The following DCDC2 variants were observed in gnomAD, a reference collection of about 807,000 sequenced individuals.
The protein encoded by DCDC2 is doublecortin domain-containing protein 2.
In DCDC2, 40 loss-of-function variants were observed where a neutral mutation model predicts 50.2. That is an observed-to-expected ratio of 0.80 (90% CI 0.62 to 1.04). DCDC2 has a LOEUF of 1.04. Among genes scored for constraint, DCDC2 ranks in the 50% least tolerant of loss-of-function variants. The probability of loss-of-function intolerance (pLI) is 0.00; values close to 1 mark genes in which losing one functional copy is unlikely to be tolerated. For synonymous variants in DCDC2, 234 were observed against 210.6 expected, an observed-to-expected ratio of 1.11 and a Z score of -0.96; for missense variants, 570 against 581.9, an observed-to-expected ratio of 0.98 and a Z score of 0.21.
At chr6:24,228,332 T>A (rs1366795320) in intron 7 of DCDC2, among the ~76,000 whole-genome samples, 1 of 152,222 alleles carries the variant, frequency 6.6e-6, no homozygotes, top group African/African-American at 2.4e-5. Context: ...GTTTACAGCA[T>A]TAATTGGAGA....
chr6:24,289,980 T>C (rs1763706390), intron 5 of DCDC2, among the ~76,000 whole-genome samples: 6 of 51,968 alleles, frequency 1.2e-4, no homozygotes, highest in African/African-American at 1.1e-3. Flanking sequence ...TCTTTTTTTT[T>C]TTTTTTTTTT....
intron 7 of DCDC2, among the ~76,000 whole-genome samples, chr6:24,241,073 A>G (rs1026780579): frequency 1.3e-5 from 2 of 152,354 alleles, no homozygotes; most frequent in Non-Finnish European, 2.9e-5. Flanking sequence ...GCAGTAGAAT[A>G]CAGGCGGAAG....
intron 2 of DCDC2, among the ~76,000 whole-genome samples, chr6:24,337,797 CAA>C (rs34344592): frequency 5.5e-5 from 7 of 126,598 alleles, no homozygotes; most frequent in Non-Finnish European, 4.9e-5. Context: ...GACTCCGTCT[CAA>C]AAAAAAAAAA....
In DCDC2 at chr6:24,178,439, C is replaced by T. The variant is rs1561878667; in HGVS notation, c.1217G>A (p.Gly406Glu). 1 of 1,614,192 alleles carries T rather than the reference C, an allele frequency of 6.2e-7. No individual in the cohort carries two copies. The highest frequency in any genetic ancestry group is 1.7e-5 in the Admixed American group (1 of 60,030). Reference protein sequence around the residue: ...EQQARPARVNGGTDEENGEEL... With the variant: ...EQQARPARVNEGTDEENGEEL... Reference sequence around the variant, plus strand: ...CTCACCATTCTCCTCATCGGTGCCTCCATTTACACGAGCAGGGCGTGCCTG... The same window carrying T: ...CTCACCATTCTCCTCATCGGTGCCTTCATTTACACGAGCAGGGCGTGCCTG... The change falls in exon 9 of 10, where the codon GGA (glycine) becomes GAA (glutamate). Residue 406 changes from glycine to glutamate, a missense_variant. Coordinates refer to ENST00000378454, the MANE Select transcript of DCDC2 (RefSeq NM_016356.5).
At chr6:24,259,503 CA>C (rs922369638) in intron 7 of DCDC2, among the ~76,000 whole-genome samples, 3 of 152,000 alleles carry the variant, frequency 2.0e-5, no homozygotes, top group African/African-American at 7.2e-5. Context: ...ACGGAAACAT[CA>C]AAAAGAAAAC....
intron 7 of DCDC2, among the ~76,000 whole-genome samples, chr6:24,258,204 T>G (rs947274667): frequency 2.0e-5 from 3 of 152,280 alleles, no homozygotes; most frequent in East Asian, 1.9e-4. Context: ...AGATTTATTG[T>G]GAAGAGCAAA....
At chr6:24,293,400 G>T (rs1197090085) in intron 4 of DCDC2, among the ~76,000 whole-genome samples, 1 of 152,128 alleles carries the variant, frequency 6.6e-6, no homozygotes, top group Non-Finnish European at 1.5e-5. Context: ...CCAACCATAA[G>T]ATTTATTAAC....
At position 24,178,457 on chromosome 6, in the gene DCDC2, C is replaced by G; in HGVS notation, c.1199G>C (p.Arg400Pro). 1 of 1,614,164 alleles carries G rather than the reference C, an allele frequency of 6.2e-7. No individual in the cohort carries two copies. The highest frequency in any genetic ancestry group is 8.5e-7 in the Non-Finnish European group (1 of 1,180,022). Residue 400 changes from arginine (R) to proline (P), a missense_variant, in exon 9 of 10, where the codon CGC becomes CCC. Coordinates refer to ENST00000378454, the MANE Select transcript of DCDC2 (RefSeq NM_016356.5). ...GGTGCCTCCATTTACACGAGCAGGG[C>G]GTGCCTGCTGCTCACTGTGATCCAG... ...EILDHSEQQA[R>P]PARVNGGTDE...
intron 4 of DCDC2, among the ~76,000 whole-genome samples, chr6:24,293,437 G>C (rs1330103837): frequency 6.6e-6 from 1 of 152,134 alleles, no homozygotes; most frequent in African/African-American, 2.4e-5. Flanking sequence ...CATATCCCAA[G>C]AGAGCAGCAA....
At chr6:24,228,582 T>C (rs1375820188) in intron 7 of DCDC2, among the ~76,000 whole-genome samples, 3 of 152,248 alleles carry the variant, frequency 2.0e-5, no homozygotes, top group African/African-American at 4.8e-5. Flanking sequence ...ATACAGCTGA[T>C]AGGAGTTCTG....
chr6:24,382,273 G>A, the DCDC2 span, among the ~76,000 whole-genome samples: 1 of 151,866 alleles, frequency 6.6e-6, no homozygotes, highest in African/African-American at 2.4e-5. Flanking sequence ...AATACCTCAG[G>A]AATGATATCA....
chr6:24,254,133 T>C (rs1031773759), intron 7 of DCDC2, among the ~76,000 whole-genome samples: 2 of 152,190 alleles, frequency 1.3e-5, no homozygotes, highest in Non-Finnish European at 2.9e-5. Context: ...TCAACATCAC[T>C]GTCCCAGTGG....
chr6:24,351,376 T>C (rs368908892), intron 2 of DCDC2, among the ~76,000 whole-genome samples: 220 of 152,256 alleles, frequency 1.4e-3, no homozygotes, highest in African/African-American at 5.0e-3. Context: ...GAGAGGACTC[T>C]AGCGAACAAG....
chr6:24,177,538 G>T (rs897046775), intron 9 of DCDC2, among the ~76,000 whole-genome samples: 4 of 152,172 alleles, frequency 2.6e-5, no homozygotes, highest in African/African-American at 4.8e-5. Context: ...CGGATAGACA[G>T]GAAGGGATGG....
At chr6:24,377,754 G>T in the DCDC2 span, among the ~76,000 whole-genome samples, 4 of 152,192 alleles carry the variant, frequency 2.6e-5, no homozygotes, top group African/African-American at 9.7e-5. Context: ...TTGGGAGGCC[G>T]AGGGGGGTGG....
chr6:24,361,784 G>A (rs1359430766), upstream of DCDC2, among the ~76,000 whole-genome samples: 2 of 152,154 alleles, frequency 1.3e-5, no homozygotes, highest in Non-Finnish European at 2.9e-5. Context: ...TTGATGTGGG[G>A]ACCCTGACGC....
At chr6:24,275,771 A>T (rs986080628) in intron 7 of DCDC2, among the ~76,000 whole-genome samples, 9 of 152,152 alleles carry the variant, frequency 5.9e-5, no homozygotes, top group African/African-American at 2.2e-4. Context: ...ATTTGCTTCA[A>T]TAATAAACAC....
intron 7 of DCDC2, among the ~76,000 whole-genome samples, chr6:24,234,482 C>CT (rs890678772): frequency 8.5e-5 from 13 of 152,170 alleles, no homozygotes; most frequent in African/African-American, 2.9e-4. Flanking sequence ...GAACAAAACT[C>CT]AGAAGGCAAA....
intron 6 of DCDC2, among the ~76,000 whole-genome samples, chr6:24,279,423 T>C (rs531152616): frequency 6.6e-6 from 1 of 151,882 alleles, no homozygotes; most frequent in African/African-American, 2.4e-5. Context: ...AAATTAACAA[T>C]TAAAAAAATC....
Sources: gnomAD v4.1 joint callset for allele counts (sites outside exome capture counted in the v4.1 genomes callset) on GRCh38, gnomAD v4.1.1 for gene constraint, MANE v1.5 for transcripts, NCBI Gene and HGNC (gene_info 2026-07-23, HGNC 2026-07-21) for gene names.